IFTAP: variants seen among roughly 807,000 people sequenced by gnomAD.
IFTAP encodes the protein intraflagellar transport associated protein.
Under a neutral mutation model 19.4 loss-of-function variants are expected in IFTAP, and 19 were observed. The ratio of observed to expected loss-of-function variants is 0.98; its 90% CI spans 0.68 to 1.44. The LOEUF (loss-of-function observed/expected upper bound fraction) is 1.44, where lower values mean the gene tolerates loss of function less well. Ranked by LOEUF, IFTAP falls within the 40% of genes most tolerant of loss-of-function variation. The pLI is 0.00. For missense variants in IFTAP, 240 were observed against 253.6 expected, an observed-to-expected ratio of 0.95 and a Z score of 0.36; for synonymous variants, 85 against 83.5, an observed-to-expected ratio of 1.02 and a Z score of -0.10.
intron 5 of IFTAP, among the ~76,000 whole-genome samples, chr11:36,657,090 C>T (rs1854023944): frequency 6.6e-6 from 1 of 151,944 alleles, no homozygotes; most frequent in African/African-American, 2.4e-5. Flanking sequence ...AGGCCTTTAC[C>T]CAGGCATGAA....
intron 2 of IFTAP, among the ~76,000 whole-genome samples, chr11:36,616,236 G>T (rs757519828): frequency 6.6e-6 from 1 of 151,838 alleles, no homozygotes; most frequent in Non-Finnish European, 1.5e-5. Flanking sequence ...TCTATTCACT[G>T]CCATAGTTGT....
intron 5 of IFTAP, among the ~76,000 whole-genome samples, chr11:36,650,759 A>G (rs958681055): frequency 1.3e-5 from 2 of 151,648 alleles, no homozygotes; most frequent in East Asian, 1.9e-4. Context: ...CCTGTGTCCA[A>G]GTGTTCTCAT....
intron 1 of IFTAP, among the ~76,000 whole-genome samples, chr11:36,601,727 C>T (rs1851516882): frequency 6.6e-6 from 1 of 152,068 alleles, no homozygotes; most frequent in African/African-American, 2.4e-5. Flanking sequence ...AATCTTGGCT[C>T]AACTCAGCCA....
At chr11:36,598,594 T>G (rs2133341438) in intron 1 of IFTAP, among the ~76,000 whole-genome samples, 1 of 152,292 alleles carries the variant, frequency 6.6e-6, no homozygotes, top group South Asian at 2.1e-4. Context: ...GAGGTACTCT[T>G]TTGTGGTCTC....
intron 4 of IFTAP, among the ~76,000 whole-genome samples, chr11:36,640,505 T>C (rs990475021): frequency 4.6e-5 from 7 of 152,194 alleles, no homozygotes; most frequent in African/African-American, 1.4e-4. Flanking sequence ...ACTTGGGTGA[T>C]TGAGTGGTGT....
chr11:36,610,312 C>T, intron 2 of IFTAP, 73 bp downstream of exon 2: 2 of 1,365,756 alleles, frequency 1.5e-6, no homozygotes, highest in East Asian at 2.4e-5. Context: ...TTTTTGCTGC[C>T]TCTTGAGAAA....
At chr11:36,620,596 A>G (rs1435743132) in intron 2 of IFTAP, among the ~76,000 whole-genome samples, 2 of 152,008 alleles carry the variant, frequency 1.3e-5, no homozygotes, top group Non-Finnish European at 2.9e-5. Context: ...TTTCAACATG[A>G]ATATTTGGTT....
At position 36,659,105 on chromosome 11, in the gene IFTAP, A is replaced by G. The variant is rs1181397937; in HGVS notation, c.585A>G (p.Ala195=). 2.1e-5 allele frequency: 34 copies of G among 1,610,682 alleles called. No individual in the cohort carries two copies. Among genetic ancestry groups the G allele is most frequent in the Non-Finnish European group, 2.7e-5 (32 of 1,178,296 alleles). The stretch of plus-strand genomic sequence containing the variant: ...TGCTAACCTCCAAGTTTAGTCCTGC[A>G]GAGATAGAGAACATCAAAGAGCTAT... ...NVMLTSKFSP[A]EIENIKELCK... Residue 195 remains alanine, a synonymous_variant, in exon 6 of 6, where the codon GCA becomes GCG. Coordinates refer to ENST00000334307, the MANE Select transcript of IFTAP (RefSeq NM_138787.4).
intron 4 of IFTAP, among the ~76,000 whole-genome samples, chr11:36,647,291 G>GT (rs1853526281): frequency 6.6e-6 from 1 of 151,996 alleles, no homozygotes; most frequent in South Asian, 2.1e-4. Flanking sequence ...GCTTCTAATT[G>GT]TTTTTTTGTC....
intron 1 of IFTAP, among the ~76,000 whole-genome samples, chr11:36,597,117 C>T (rs921154161): frequency 6.6e-6 from 1 of 152,192 alleles, no homozygotes; most frequent in African/African-American, 2.4e-5. Context: ...AGATTACTCA[C>T]TTTAACCAGA....
intron 3 of IFTAP, among the ~76,000 whole-genome samples, chr11:36,633,992 TG>T (rs1852833682): frequency 6.6e-6 from 1 of 152,180 alleles, no homozygotes; most frequent in African/African-American, 2.4e-5. Flanking sequence ...TTCTAATTTC[TG>T]CTTCATCATG....
At chr11:36,649,036 A>G (rs1358084278) in intron 5 of IFTAP, among the ~76,000 whole-genome samples, 1 of 152,052 alleles carries the variant, frequency 6.6e-6, no homozygotes, top group African/African-American at 2.4e-5. Context: ...GACCTTTCTC[A>G]CCCTCCTTAC....
At chr11:36,618,569 T>C (rs773394709) in intron 2 of IFTAP, among the ~76,000 whole-genome samples, 9 of 151,722 alleles carry the variant, frequency 5.9e-5, no homozygotes, top group Non-Finnish European at 1.5e-5. Context: ...TAAATATTGG[T>C]TGAATAAATG....
chr11:36,621,530 C>T (rs1210163799), intron 2 of IFTAP, among the ~76,000 whole-genome samples: 1 of 151,876 alleles, frequency 6.6e-6, no homozygotes, highest in Non-Finnish European at 1.5e-5. Flanking sequence ...CATGTGTTTT[C>T]CAGACTTAAT....
At chr11:36,619,232 A>G (rs569856051) in intron 2 of IFTAP, among the ~76,000 whole-genome samples, 5 of 152,138 alleles carry the variant, frequency 3.3e-5, no homozygotes, top group South Asian at 4.2e-4. Flanking sequence ...AGCCAAAAGA[A>G]TATCACTACT....
chr11:36,654,432 T>C (rs1263048238), intron 5 of IFTAP, among the ~76,000 whole-genome samples: 1 of 152,192 alleles, frequency 6.6e-6, no homozygotes, highest in Admixed American at 6.6e-5. Context: ...GTTGGTGTGC[T>C]GCACAGGAGC....
chr11:36,652,765 G>A (rs906042516), intron 5 of IFTAP, among the ~76,000 whole-genome samples: 3 of 152,012 alleles, frequency 2.0e-5, no homozygotes, highest in South Asian at 2.1e-4. Context: ...AGCATGAAGG[G>A]CTGTTGAATT....
chr11:36,642,250 A>C (rs1335883156), intron 4 of IFTAP, among the ~76,000 whole-genome samples: 3 of 152,232 alleles, frequency 2.0e-5, no homozygotes, highest in Non-Finnish European at 4.4e-5. Flanking sequence ...TAAACTAGAA[A>C]ATCTAGAAGA....
chr11:36,651,781 T>C (rs1030050774), intron 5 of IFTAP, among the ~76,000 whole-genome samples: 1 of 152,222 alleles, frequency 6.6e-6, no homozygotes, highest in Non-Finnish European at 1.5e-5. Context: ...GGCTAGCCAG[T>C]TTTCCCAGCA....
Sources: allele counts gnomAD v4.1 joint callset (sites outside exome capture counted in the v4.1 genomes callset), GRCh38; gene constraint gnomAD v4.1.1; transcripts MANE v1.5; gene names NCBI Gene and HGNC (gene_info 2026-07-23, HGNC 2026-07-21).